The following AKT3 variants were observed in gnomAD, a reference collection of about 807,000 sequenced individuals.
The protein encoded by AKT3 is RAC-gamma serine/threonine-protein kinase.
Under a neutral mutation model 65.3 loss-of-function variants are expected in AKT3, and 15 were observed. The observed-to-expected ratio is 0.23, with a 90% CI of 0.15 to 0.35. The LOEUF (loss-of-function observed/expected upper bound fraction) is 0.35, where lower values mean the gene tolerates loss of function less well. Among genes scored for constraint, AKT3 ranks in the 10% least tolerant of loss-of-function variants. The probability of loss-of-function intolerance (pLI) is 1.00; values close to 1 mark genes in which losing one functional copy is unlikely to be tolerated. For missense variants in AKT3, 243 were observed against 576.5 expected (o/e 0.42, Z 5.92); for synonymous variants, 206 against 183.8 (o/e 1.12, Z -0.98).
At chr1:243,546,802 C>T (rs571036854) in intron 11 of AKT3, 5 of 152,180 alleles carry the variant, frequency 3.3e-5, no homozygotes, top group South Asian at 2.1e-4. Flanking sequence ...AAATTAGTCA[C>T]CTGATTCTCA....
At chr1:243,788,290 G>T (rs1691392321) in intron 2 of AKT3, among the ~76,000 whole-genome samples, 1 of 152,126 alleles carries the variant, frequency 6.6e-6, no homozygotes, top group Non-Finnish European at 1.5e-5. Context: ...TATAATAGTA[G>T]ATGTCATGTA....
upstream of AKT3, chr1:243,851,011 GCCCCTTGGGGAGA>G (rs1429615022): frequency 6.6e-6 from 1 of 152,198 alleles, no homozygotes; most frequent in Non-Finnish European, 1.5e-5. Context: ...GTCCGCCGCG[GCCCCTTGGGGAGA>G]TGGGCCCGGC....
chr1:243,535,708 G>A lies in AKT3; in HGVS notation c.1251+9802C>T, dbSNP rs1021593072. On this transcript the variant is annotated intron_variant, in intron 12 of 13. Transcript: ENST00000673466. ...AACATATGAGTATATGTATCCTTTT[G>A]TATAGAATGACTTCCTTTGTGTAGA... Among the ~76,000 whole-genome samples the A allele has an allele frequency of 3.3e-5, 5 of 152,056 alleles. 1 individual carries two copies. The highest frequency in any genetic ancestry group is 3.3e-4 in the Admixed American group (5 of 15,270).
intron 8 of AKT3, among the ~76,000 whole-genome samples, chr1:243,573,416 C>T (rs914613362): frequency 6.6e-6 from 1 of 152,148 alleles, no homozygotes; most frequent in African/African-American, 2.4e-5. Flanking sequence ...TAAATGAACA[C>T]AAGCACAGAT....
intron 8 of AKT3, among the ~76,000 whole-genome samples, chr1:243,584,278 C>G (rs191516056): frequency 6.6e-6 from 1 of 152,186 alleles, no homozygotes; most frequent in East Asian, 1.9e-4. Context: ...AATTGACACA[C>G]TGTACAGACT....
intron 2 of AKT3, among the ~76,000 whole-genome samples, chr1:243,740,034 G>A (rs1428401316): frequency 2.6e-5 from 4 of 152,158 alleles, no homozygotes; most frequent in Non-Finnish European, 5.9e-5. Flanking sequence ...AATCCACAGA[G>A]TAATCTTAGC....
chr1:243,694,808 T>C (rs1205657981), intron 3 of AKT3, among the ~76,000 whole-genome samples: 3 of 151,950 alleles, frequency 2.0e-5, no homozygotes, highest in African/African-American at 7.2e-5. Flanking sequence ...TTCCCAAATA[T>C]GGCTAATAGA....
At chr1:243,784,191 T>C (rs1259751117) in intron 2 of AKT3, among the ~76,000 whole-genome samples, 3 of 152,026 alleles carry the variant, frequency 2.0e-5, no homozygotes, top group Non-Finnish European at 4.4e-5. Context: ...TCCTGAGAAG[T>C]ACATAATGAA....
intron 2 of AKT3, among the ~76,000 whole-genome samples, chr1:243,818,379 G>A (rs1304243439): frequency 1.3e-5 from 2 of 152,042 alleles, no homozygotes; most frequent in Non-Finnish European, 2.9e-5. Flanking sequence ...ACTCCATGAG[G>A]GCAAGTGTTT....
chr1:243,802,235 T>A (rs974906291), intron 2 of AKT3, among the ~76,000 whole-genome samples: 2 of 152,174 alleles, frequency 1.3e-5, no homozygotes, highest in African/African-American at 4.8e-5. Context: ...AATACACTAT[T>A]AAGCCTAACT....
At chr1:243,588,224 T>C (rs1437580825) in intron 8 of AKT3, among the ~76,000 whole-genome samples, 1 of 152,148 alleles carries the variant, frequency 6.6e-6, no homozygotes, top group Non-Finnish European at 1.5e-5. Context: ...TGCAGTTGAA[T>C]ACTAAGCAAT....
At chr1:243,714,141 T>C (rs1456237799) in intron 2 of AKT3, among the ~76,000 whole-genome samples, 1 of 152,204 alleles carries the variant, frequency 6.6e-6, no homozygotes, top group Non-Finnish European at 1.5e-5. Flanking sequence ...CTTTCTGAAA[T>C]GCACGCTAAC....
chr1:243,812,145 T>C (rs886392301), intron 2 of AKT3, among the ~76,000 whole-genome samples: 12 of 152,208 alleles, frequency 7.9e-5, no homozygotes, highest in African/African-American at 2.9e-4. Context: ...CCAAAAGCAA[T>C]GGCAACAAAA....
intron 2 of AKT3, among the ~76,000 whole-genome samples, chr1:243,826,260 G>C (rs1694161184): frequency 6.6e-6 from 1 of 152,124 alleles, no homozygotes; most frequent in Non-Finnish European, 1.5e-5. Flanking sequence ...TTTTCAATCT[G>C]ACCTCTAGAA....
intron 8 of AKT3, among the ~76,000 whole-genome samples, chr1:243,578,684 TTAAAAA>T (rs574146465): frequency 3.3e-5 from 5 of 152,118 alleles, no homozygotes; most frequent in Non-Finnish European, 1.5e-5. Context: ...ACCCTGGAAC[TTAAAAA>T]TAAAATAAAA....
Position 243,795,449 on chromosome 1 carries a change from GT to G in AKT3, c.46+47675del, listed in dbSNP as rs1193523598. Reference sequence around the variant, plus strand: ...GGCGTAGGTTTCCCTTGATCTCCTTGTTTTTTTTTTTTGTTTTTTTTTTTTG... The same window carrying G: ...GGCGTAGGTTTCCCTTGATCTCCTTGTTTTTTTTTTTGTTTTTTTTTTTTG... On this transcript the variant is annotated intron_variant, in intron 2 of 13. Transcript: ENST00000673466. Among the ~76,000 whole-genome samples, 357 of 93,468 alleles carry G rather than the reference GT, an allele frequency of 3.8e-3. 2 individuals carry two copies. Among genetic ancestry groups the G allele is most frequent in the Middle Eastern group, 0.024 (4 of 164 alleles). The allele number at this position is 93,468 out of a possible 152,430, so 61.3% of individuals were successfully genotyped here.
chr1:243,813,652 G>A (rs946601012), intron 2 of AKT3, among the ~76,000 whole-genome samples: 1 of 151,978 alleles, frequency 6.6e-6, no homozygotes, highest in Non-Finnish European at 1.5e-5. Flanking sequence ...AAACTTTTAT[G>A]GACTACCATA....
intron 11 of AKT3, among the ~76,000 whole-genome samples, chr1:243,551,009 A>G (rs1673029755): frequency 6.7e-6 from 1 of 148,838 alleles, no homozygotes; most frequent in Non-Finnish European, 1.5e-5. Flanking sequence ...CACTCTGTTT[A>G]AAGTTACCTA....
intron 5 of AKT3, among the ~76,000 whole-genome samples, chr1:243,641,940 T>C (rs1353658388): frequency 6.6e-6 from 1 of 151,762 alleles, no homozygotes; most frequent in Non-Finnish European, 1.5e-5. Flanking sequence ...TTGTCTCAAA[T>C]GAAAATAAAT....
Sources: allele counts gnomAD v4.1 joint callset (sites outside exome capture counted in the v4.1 genomes callset), GRCh38; gene constraint gnomAD v4.1.1; transcripts MANE v1.5; gene names NCBI Gene and HGNC (gene_info 2026-07-23, HGNC 2026-07-21).